The following UGT1A8 variants were observed in gnomAD, a reference collection of about 807,000 sequenced individuals.
UGT1A8 encodes UDP glucuronosyltransferase family 1 member A8.
A neutral mutation model predicts 45.3 loss-of-function variants in UGT1A8; 39 were observed. The observed-to-expected ratio is 0.86, with a 90% CI of 0.67 to 1.12. The LOEUF (loss-of-function observed/expected upper bound fraction) is 1.12, where lower values mean the gene tolerates loss of function less well. UGT1A8 is among the 50% of genes most tolerant of loss of function. UGT1A8 has a pLI of 0.00. For synonymous variants in UGT1A8, 275 were observed against 249.2 expected (o/e 1.10, Z -0.97); for missense variants, 719 against 664.9 (o/e 1.08, Z -0.90).
chr2:233,693,097 G>T, intron 1 of UGT1A8: 1 of 1,614,146 alleles, frequency 6.2e-7, no homozygotes, highest in South Asian at 1.1e-5. Flanking sequence ...AGCTGCTGGT[G>T]GTCCCTCAGG....
At chr2:233,640,927 A>G (rs1260220681) in intron 1 of UGT1A8, among the ~76,000 whole-genome samples, 3 of 152,224 alleles carry the variant, frequency 2.0e-5, no homozygotes, top group Non-Finnish European at 4.4e-5. Context: ...AAGAAAAAGC[A>G]GATGAACTAT....
chr2:233,718,626 C>T lies in UGT1A8; in HGVS notation c.856-48408C>T, dbSNP rs552976207. 130 of 926,994 alleles carry T rather than the reference C, an allele frequency of 1.4e-4. No individual in the cohort carries two copies. The South Asian group carries it at 5.5e-3, about 39-fold the overall frequency. The allele number at this position is 926,994 out of a possible 1,614,324, so 57.4% of individuals were successfully genotyped here. On this transcript the variant is annotated intron_variant, in intron 1 of 4. Transcript: ENST00000373450. ...GCTTTTCAAGATAGGCGTGATTGGT[C>T]TTTCCCAGGGTTGGGCCCATAACGA...
chr2:233,672,254 C>T (rs771095934), intron 1 of UGT1A8: 1 of 1,614,132 alleles, frequency 6.2e-7, no homozygotes, highest in Non-Finnish European at 8.5e-7. Flanking sequence ...AGTATATATT[C>T]TCTATTAATG....
At chr2:233,713,888 G>A in intron 1 of UGT1A8, 1 of 1,613,420 alleles carries the variant, frequency 6.2e-7, no homozygotes, top group Non-Finnish European at 8.5e-7. Context: ...TCCAATCAAT[G>A]TTCCAGGCAA....
intron 1 of UGT1A8, among the ~76,000 whole-genome samples, chr2:233,739,715 G>A (rs1691183669): frequency 1.3e-5 from 2 of 152,136 alleles, no homozygotes; most frequent in Admixed American, 6.5e-5. Context: ...TGGGGGAAGG[G>A]ACTTGACTTG....
chr2:233,695,837 G>C (rs1438595123), intron 1 of UGT1A8, among the ~76,000 whole-genome samples: 1 of 152,094 alleles, frequency 6.6e-6, no homozygotes, highest in Non-Finnish European at 1.5e-5. Flanking sequence ...AAACTCAAAG[G>C]GTTTTTCCTG....
At chr2:233,751,611 G>C (rs1214226831) in intron 1 of UGT1A8, among the ~76,000 whole-genome samples, 1 of 152,166 alleles carries the variant, frequency 6.6e-6, no homozygotes, top group Admixed American at 6.5e-5. Flanking sequence ...CTGGTGGGAG[G>C]TGATTGGATC....
chr2:233,761,143 C>T, intron 1 of UGT1A8: 1 of 1,614,232 alleles, frequency 6.2e-7, no homozygotes, highest in Non-Finnish European at 8.5e-7. Flanking sequence ...CCAAAATCCA[C>T]TATCCCAGGT....
chr2:233,658,240 A>G (rs947021396), intron 1 of UGT1A8, among the ~76,000 whole-genome samples: 1 of 152,046 alleles, frequency 6.6e-6, no homozygotes, highest in Non-Finnish European at 1.5e-5. Context: ...GCTGGCCTCA[A>G]ACTCCTGACC....
intron 1 of UGT1A8, among the ~76,000 whole-genome samples, chr2:233,704,961 C>T (rs1307195227): frequency 2.0e-5 from 3 of 152,020 alleles, no homozygotes; most frequent in Non-Finnish European, 2.9e-5. Flanking sequence ...CATGGTGAAA[C>T]CCCATCTCTA....
At chr2:233,691,077 T>C in intron 1 of UGT1A8, 1 of 986,126 alleles carries the variant, frequency 1.0e-6, no homozygotes, top group Non-Finnish European at 1.2e-6. Flanking sequence ...GAATGTGAAG[T>C]TTGTAGCATC....
At chr2:233,676,674 C>T (rs1230120376) in intron 1 of UGT1A8, among the ~76,000 whole-genome samples, 5 of 152,114 alleles carry the variant, frequency 3.3e-5, no homozygotes, top group African/African-American at 1.2e-4. Context: ...TCGAGCAGTC[C>T]TAGTCAGGTG....
chr2:233,734,413 C>G (rs1324994664), intron 1 of UGT1A8, among the ~76,000 whole-genome samples: 1 of 152,086 alleles, frequency 6.6e-6, no homozygotes, highest in Non-Finnish European at 1.5e-5. Flanking sequence ...ATTCTTCTCT[C>G]TTTTCTTCTT....
intron 1 of UGT1A8, among the ~76,000 whole-genome samples, chr2:233,681,402 C>G (rs375338124): frequency 6.6e-6 from 1 of 151,734 alleles, no homozygotes; most frequent in Non-Finnish European, 1.5e-5. Flanking sequence ...GGCATGGCAG[C>G]GTGCGCCTGT....
intron 1 of UGT1A8, chr2:233,636,547 C>A (rs780167579): frequency 8.1e-6 from 13 of 1,614,014 alleles, no homozygotes; most frequent in Non-Finnish European, 1.1e-5. Context: ...GTGGACCAGC[C>A]CCGTTCCTTT....
rs762730936 is a variant in UGT1A8 at position 233,677,817 on chromosome 2, C to T, written c.855+59255C>T. Among the ~76,000 whole-genome samples, 6 of 151,570 alleles carry T rather than the reference C, an allele frequency of 4.0e-5. No homozygotes were observed. The East Asian group carries it at 1.2e-3, about 29-fold the overall frequency. ...AGAACTGTCATTCGACCCAGCAATC[C>T]CATTACTAGATATATGTAAAAAAAA... On this transcript the variant is annotated intron_variant, in intron 1 of 4. Coordinates refer to ENST00000373450, the MANE Select transcript of UGT1A8 (RefSeq NM_019076.5).
At chr2:233,636,343 G>A in intron 1 of UGT1A8, 1 of 1,123,624 alleles carries the variant, frequency 8.9e-7, no homozygotes, top group Non-Finnish European at 1.2e-6. Flanking sequence ...CTCAGCAAAT[G>A]ATACTCGTGT....
At chr2:233,699,864 G>C (rs2075528124) in intron 1 of UGT1A8, among the ~76,000 whole-genome samples, 1 of 152,162 alleles carries the variant, frequency 6.6e-6, no homozygotes, top group African/African-American at 2.4e-5. Flanking sequence ...TATGTCTGAA[G>C]ACATTTTTGG....
intron 1 of UGT1A8, among the ~76,000 whole-genome samples, chr2:233,635,295 C>T (rs1299625933): frequency 2.7e-5 from 4 of 150,508 alleles, no homozygotes; most frequent in Non-Finnish European, 4.4e-5. Context: ...TTGCTTTTCT[C>T]GAGGAGTATC....
Sources: allele counts gnomAD v4.1 joint callset (sites outside exome capture counted in the v4.1 genomes callset), GRCh38; gene constraint gnomAD v4.1.1; transcripts MANE v1.5; gene names NCBI Gene and HGNC (gene_info 2026-07-23, HGNC 2026-07-21).